The following BTN2A1 variants were observed in gnomAD, a reference collection of about 807,000 sequenced individuals.
BTN2A1 encodes butyrophilin, subfamily 2, member A1.
In BTN2A1, 41 loss-of-function variants were observed where a neutral mutation model predicts 34.5. The ratio of observed to expected loss-of-function variants is 1.19; its 90% CI spans 0.93 to 1.54. BTN2A1 has a LOEUF of 1.54. Among genes scored for constraint, BTN2A1 ranks in the 40% most tolerant of loss-of-function variants. BTN2A1 has a pLI of 0.00. For missense variants in BTN2A1, 642 were observed against 662.0 expected, an observed-to-expected ratio of 0.97 and a Z score of 0.33; for synonymous variants, 267 against 258.6, an observed-to-expected ratio of 1.03 and a Z score of -0.31.
At chr6:26,475,876 A>G (rs188389879) in intron 7 of BTN2A1, among the ~76,000 whole-genome samples, 13 of 152,314 alleles carry the variant, frequency 8.5e-5, no homozygotes, top group Admixed American at 7.2e-4. Flanking sequence ...AGGATGGTGA[A>G]AGAACATCAA....
intron 4 of BTN2A1, among the ~76,000 whole-genome samples, chr6:26,463,830 C>G (rs890920519): frequency 3.3e-5 from 5 of 151,930 alleles, no homozygotes; most frequent in African/African-American, 1.2e-4. Flanking sequence ...AAGACAAGTT[C>G]TTGCTCTGTC....
chr6:26,467,924 C>A (rs748040744), intron 7 of BTN2A1, 24 bp from the exon 8 acceptor site: 110 of 1,603,428 alleles, frequency 6.9e-5, no homozygotes, highest in Non-Finnish European at 9.1e-5. Context: ...GACCCCAGGC[C>A]TAAACCTGAG....
chr6:26,468,075 C>T lies in BTN2A1; in HGVS notation c.1110C>T (p.Asp370=). 1 of 1,614,236 alleles carries T rather than the reference C, an allele frequency of 6.2e-7. No individual in the cohort carries two copies. ...ESVPDNPERF[D]SQPCVLGRES... is the part of the protein sequence containing the mutation. Reference sequence around the variant, plus strand: ...TGCCTGACAACCCAGAGAGATTCGACAGTCAGCCTTGTGTCCTAGGCCGGG... The same window carrying T: ...TGCCTGACAACCCAGAGAGATTCGATAGTCAGCCTTGTGTCCTAGGCCGGG... Residue 370 remains aspartate (D), a synonymous_variant, in exon 8 of 8, where the codon GAC becomes GAT. Transcript: ENST00000312541.
chr6:26,469,123 G>C lies in BTN2A1; in HGVS notation c.*574G>C. 1 of 1,097,394 alleles carries C rather than the reference G, an allele frequency of 9.1e-7. No homozygotes were observed. The highest frequency in any genetic ancestry group is 1.1e-6 in the Non-Finnish European group (1 of 895,576). 68.0% of individuals were successfully genotyped at this position (1,097,394 alleles called of 1,614,324 possible). ...ATGGCTCATTTCCACCCAGCCCCAGGATTTCCAGAGCGCACATCCACAGGC... is the reference window on the plus strand; with the variant it reads ...ATGGCTCATTTCCACCCAGCCCCAGCATTTCCAGAGCGCACATCCACAGGC... On this transcript the variant is annotated 3_prime_UTR_variant, in exon 8 of 8. Coordinates refer to ENST00000312541, the MANE Select transcript of BTN2A1 (RefSeq NM_007049.5).
intron 4 of BTN2A1, 129 bp from the exon 5 acceptor site, chr6:26,465,056 A>C: frequency 1.3e-6 from 1 of 771,932 alleles, no homozygotes. Flanking sequence ...CACTTTCTCC[A>C]TCTGAGTTTT....
Position 26,467,818 on chromosome 6 carries a change from G to A in BTN2A1, c.983-130G>A. 2.6e-6 allele frequency: 4 copies of A among 1,558,028 alleles called. No individual in the cohort carries two copies. The South Asian group carries it at 4.8e-5, about 19-fold the overall frequency. On this transcript the variant is annotated intron_variant, in intron 7 of 7. Transcript: ENST00000312541. Reference sequence around the variant, plus strand: ...AGTGTGTGAGCTGCCTAGGATCAGAGAGCCTTCATGGAAGTGGCCACTACG... The same window carrying A: ...AGTGTGTGAGCTGCCTAGGATCAGAAAGCCTTCATGGAAGTGGCCACTACG...
At chr6:26,465,662 T>C (rs1048536380) in intron 5 of BTN2A1, among the ~76,000 whole-genome samples, 3 of 152,180 alleles carry the variant, frequency 2.0e-5, no homozygotes, top group African/African-American at 7.2e-5. Context: ...GGAACTCTCA[T>C]GTCCTTGGAA....
At chr6:26,459,439 A>G (rs758012316) in intron 2 of BTN2A1, 42 bp from the exon 3 acceptor site, 1 of 1,588,180 alleles carries the variant, frequency 6.3e-7, no homozygotes, top group Non-Finnish European at 8.6e-7. Flanking sequence ...TAGAGATGTG[A>G]TGGCTGGTGT....
intron 3 of BTN2A1, among the ~76,000 whole-genome samples, chr6:26,462,438 T>G (rs113709209): frequency 6.6e-6 from 1 of 152,284 alleles, no homozygotes; most frequent in African/African-American, 2.4e-5. Flanking sequence ...TCCTAGCTAG[T>G]TGGGAGACTG....
downstream of BTN2A1, among the ~76,000 whole-genome samples, chr6:26,474,168 C>T (rs529522183): frequency 6.6e-6 from 1 of 152,324 alleles, no homozygotes; most frequent in African/African-American, 2.4e-5. Context: ...TGTAAACTAA[C>T]TGAAAGCTTA....
In BTN2A1 at chr6:26,468,350, CCTT is replaced by C. The variant is rs528315623; in HGVS notation, c.1388_1390del (p.Phe463del). ...CTGGACTATGAAGCTGGAGATGTCT[CCTT>C]CTACAACATGAGGGACAGATCGCAC... On this transcript the variant is annotated inframe_deletion, in exon 8 of 8. Transcript: ENST00000312541. 1,063 of 1,614,184 alleles carry C rather than the reference CCTT, an allele frequency of 6.6e-4. No homozygotes were observed. Among genetic ancestry groups the C allele is most frequent in the Non-Finnish European group, 8.7e-4 (1,028 of 1,180,040 alleles).
chr6:26,459,661 A>C lies in BTN2A1; in HGVS notation c.263A>C (p.Gln88Pro), dbSNP rs747227926. 5.6e-6 allele frequency: 9 copies of C among 1,614,082 alleles called. No homozygotes were observed. In the Admixed American group the frequency reaches 1.5e-4, roughly 27 times the overall value. ...GGTGGCAGAGAGAGAACAGAGGAGC[A>C]GATGGAGGAGTACCGAGGAAGAACC... ...YKGGRERTEE[Q>P]MEEYRGRTTF... is the part of the protein sequence containing the mutation. Residue 88 changes from glutamine to proline, a missense_variant, in exon 3 of 8, where the codon CAG becomes CCG. Physicochemically the swap from Gln to Pro is moderately conservative, Grantham distance 76. Transcript: ENST00000312541.
At chr6:26,470,668 T>TTCTC (rs149184891), downstream of BTN2A1, among the ~76,000 whole-genome samples, 3 of 151,112 alleles carry the variant, frequency 2.0e-5, no homozygotes, top group Admixed American at 6.6e-5. Context: ...GAAAGGTGAA[T>TTCTC]TCTCTCTCTC....
intron 3 of BTN2A1, 122 bp downstream of exon 3, chr6:26,459,950 C>A: frequency 1.1e-5 from 1 of 93,810 alleles, no homozygotes. Flanking sequence ...TTCCACTCTC[C>A]CTGTGGAAAC....
At chr6:26,463,610 C>T (rs1420915255) in intron 4 of BTN2A1, 85 bp downstream of exon 4, 2 of 1,476,916 alleles carry the variant, frequency 1.4e-6, no homozygotes. Context: ...ATGGGGGCAG[C>T]AGTGTGGGTG....
At position 26,466,086 on chromosome 6, in the gene BTN2A1, C is replaced by T. The variant is rs769294086; in HGVS notation, c.980C>T (p.Ala327Val). ...ELRWRRTFLH[A>V]VDVVLDPDTA... ...GGATGGAGAAGAACATTCTTACATGCTGGTGAGTGCCTCTGATGTTCCCTC... is the reference window on the plus strand; with the variant it reads ...GGATGGAGAAGAACATTCTTACATGTTGGTGAGTGCCTCTGATGTTCCCTC... The change falls in exon 7 of 8, where the codon GCT becomes GTT. Residue 327 changes from alanine to valine, a missense_variant and splice_region_variant. By Grantham distance (64) the Ala-to-Val change is moderately conservative. Transcript: ENST00000312541. 6.2e-6 allele frequency: 10 copies of T among 1,613,580 alleles called. No individual in the cohort carries two copies. In the Admixed American group the frequency reaches 1.7e-4, roughly 27 times the overall value.
rs1581677679 is a variant in BTN2A1 at position 26,468,989 on chromosome 6, C to G, written c.*440C>G. On this transcript the variant is annotated 3_prime_UTR_variant, in exon 8 of 8. Coordinates refer to ENST00000312541, the MANE Select transcript of BTN2A1 (RefSeq NM_007049.5). ...CAGGACCACCAGAGAGGAGAGGGAA[C>G]CAGATATGCAGATCAGAGATAGAGG... The G allele has an allele frequency of 8.4e-7, 1 of 1,196,034 alleles. No individual in the cohort carries two copies. The highest frequency in any genetic ancestry group is 3.6e-5 in the Admixed American group (1 of 27,638). 74.1% of individuals were successfully genotyped at this position (1,196,034 alleles called of 1,614,324 possible).
In BTN2A1 at chr6:26,465,782, A is replaced by G. The variant is rs141945264; in HGVS notation, c.935-171A>G. 51 of 980,750 alleles carry G rather than the reference A, an allele frequency of 5.2e-5. No individual in the cohort carries two copies. In the African/African-American group the frequency reaches 6.6e-4, roughly 13 times the overall value. The allele number at this position is 980,750 out of a possible 1,614,324, so 60.8% of individuals were successfully genotyped here. A position where few individuals can be genotyped will look rare whatever the true frequency, so the allele number is the denominator to read the frequency against. On this transcript the variant is annotated intron_variant, in intron 5 of 7. Coordinates refer to ENST00000312541, the MANE Select transcript of BTN2A1 (RefSeq NM_007049.5). ...AAAGCAAGTGTAACAATGTGCTGGT[A>G]CTACCCAGCCACCTGATCATACATA...
chr6:26,468,155 A>T lies in BTN2A1; in HGVS notation c.1190A>T (p.Glu397Val), dbSNP rs1370667503. The T allele has an allele frequency of 1.2e-5, 19 of 1,614,010 alleles. No homozygotes were observed. Among genetic ancestry groups the T allele is most frequent in the Non-Finnish European group, 1.4e-5 (16 of 1,180,016 alleles). Reference protein sequence around the residue: ...YWEVEVENVIEWTVGVCRDSV... With the variant: ...YWEVEVENVIVWTVGVCRDSV... ...GAGGTGGAGGTGGAAAACGTGATTG[A>T]GTGGACTGTGGGGGTCTGTAGAGAC... Residue 397 changes from glutamate to valine, a missense_variant, in exon 8 of 8, where the codon GAG (glutamate) becomes GTG (valine). By Grantham distance (121) the Glu-to-Val change is moderately radical. Transcript: ENST00000312541.
Sources: gnomAD v4.1 joint callset for allele counts (sites outside exome capture counted in the v4.1 genomes callset) on GRCh38, gnomAD v4.1.1 for gene constraint, MANE v1.5 for transcripts, NCBI Gene and HGNC (gene_info 2026-07-23, HGNC 2026-07-21) for gene names.